The following DCC variants were observed in gnomAD, a reference collection of about 807,000 sequenced individuals.
The protein encoded by DCC is netrin receptor DCC.
Under a neutral mutation model 172.5 loss-of-function variants are expected in DCC, and 58 were observed. That is an observed-to-expected ratio of 0.34 (90% confidence interval 0.27 to 0.42). The LOEUF (loss-of-function observed/expected upper bound fraction) is 0.42, where lower values mean the gene tolerates loss of function less well. Among genes scored for constraint, DCC ranks in the 10% least tolerant of loss-of-function variants. The pLI is 1.00. For synonymous variants in DCC, 709 were observed against 644.5 expected, an observed-to-expected ratio of 1.10 and a Z score of -1.52; for missense variants, 1,740 against 1,791.0, an observed-to-expected ratio of 0.97 and a Z score of 0.51.
chr18:52,869,376 C>T (rs561389895), intron 2 of DCC, among the ~76,000 whole-genome samples: 61 of 152,326 alleles, frequency 4.0e-4, no homozygotes, highest in Middle Eastern at 6.8e-3. Flanking sequence ...GTTGTCTGCT[C>T]TGCTCTGGTT....
chr18:52,922,291 C>A (rs2040138652), intron 3 of DCC, among the ~76,000 whole-genome samples: 1 of 152,134 alleles, frequency 6.6e-6, no homozygotes, highest in Non-Finnish European at 1.5e-5. Context: ...CAATTACTGT[C>A]TCAACTACTA....
intron 3 of DCC, among the ~76,000 whole-genome samples, chr18:52,908,767 T>C (rs539936170): frequency 2.0e-5 from 3 of 152,332 alleles, no homozygotes; most frequent in Admixed American, 6.5e-5. Flanking sequence ...ACTTTTGAGA[T>C]GTGTGAGCAT....
At chr18:52,869,491 G>A (rs1041686738) in intron 2 of DCC, among the ~76,000 whole-genome samples, 1 of 152,192 alleles carries the variant, frequency 6.6e-6, no homozygotes, top group African/African-American at 2.4e-5. Flanking sequence ...TTCCACTCTG[G>A]TCACAGGACT....
At chr18:52,955,489 T>TGA (rs1012493252) in intron 5 of DCC, among the ~76,000 whole-genome samples, 74 of 152,228 alleles carry the variant, frequency 4.9e-4, no homozygotes, top group African/African-American at 1.7e-3. Flanking sequence ...TTGGCAATTG[T>TGA]GAATAGAGTT....
chr18:52,652,075 GA>G (rs2144925901), intron 1 of DCC, among the ~76,000 whole-genome samples: 1 of 152,322 alleles, frequency 6.6e-6, no homozygotes. Context: ...CTTACAATTT[GA>G]AACTGCAGAT....
intron 12 of DCC, among the ~76,000 whole-genome samples, chr18:53,237,641 T>A (rs1276726471): frequency 6.6e-6 from 1 of 152,128 alleles, no homozygotes; most frequent in Non-Finnish European, 1.5e-5. Flanking sequence ...TTTTAATAAT[T>A]CTGTGACAAC....
chr18:52,559,472 A>G (rs2032989051), intron 1 of DCC, among the ~76,000 whole-genome samples: 1 of 152,106 alleles, frequency 6.6e-6, no homozygotes, highest in South Asian at 2.1e-4. Context: ...GTAAAAAGAG[A>G]TTCCCTCTCC....
chr18:53,256,247 GT>G (rs780688281), intron 12 of DCC, among the ~76,000 whole-genome samples: 5 of 152,252 alleles, frequency 3.3e-5, no homozygotes, highest in Middle Eastern at 6.8e-3. Flanking sequence ...TTTGGCTTTT[GT>G]TGCCATTGCT....
chr18:52,972,806 G>A (rs1172991302), intron 5 of DCC, among the ~76,000 whole-genome samples: 1 of 152,102 alleles, frequency 6.6e-6, no homozygotes, highest in Admixed American at 6.5e-5. Flanking sequence ...TATTTATTTG[G>A]TGCTTAGCAT....
At chr18:52,638,515 C>A (rs537361130) in intron 1 of DCC, among the ~76,000 whole-genome samples, 4 of 151,968 alleles carry the variant, frequency 2.6e-5, no homozygotes, top group African/African-American at 9.7e-5. Flanking sequence ...AAATGAACAC[C>A]AAAAGCGAGC....
intron 12 of DCC, among the ~76,000 whole-genome samples, chr18:53,292,269 C>T (rs931216853): frequency 6.6e-6 from 1 of 152,048 alleles, no homozygotes; most frequent in African/African-American, 2.4e-5. Flanking sequence ...TTTTTCTTCC[C>T]ATAATAGAAA....
intron 1 of DCC, among the ~76,000 whole-genome samples, chr18:52,424,850 G>A (rs1987370161): frequency 6.6e-6 from 1 of 152,152 alleles, no homozygotes; most frequent in Middle Eastern, 3.4e-3. Flanking sequence ...TATTGCCAAA[G>A]TATCTTATTT....
At chr18:52,495,943 A>G (rs2030729802) in intron 1 of DCC, among the ~76,000 whole-genome samples, 1 of 152,092 alleles carries the variant, frequency 6.6e-6, no homozygotes, top group African/African-American at 2.4e-5. Context: ...CAAATGGGGA[A>G]GAAAACCCTG....
At chr18:53,012,436 A>G (rs2041744079) in intron 5 of DCC, among the ~76,000 whole-genome samples, 1 of 152,048 alleles carries the variant, frequency 6.6e-6, no homozygotes, top group African/African-American at 2.4e-5. Context: ...CTACTCTAAA[A>G]ATATATTTAA....
intron 1 of DCC, among the ~76,000 whole-genome samples, chr18:52,557,239 T>C (rs1007255420): frequency 2.1e-4 from 32 of 152,250 alleles, no homozygotes; most frequent in African/African-American, 7.7e-4. Flanking sequence ...TCACAAGAGG[T>C]TTTTAGTTAC....
chr18:52,717,062 A>G (rs1685088129), intron 1 of DCC, among the ~76,000 whole-genome samples: 1 of 152,146 alleles, frequency 6.6e-6, no homozygotes, highest in African/African-American at 2.4e-5. Flanking sequence ...ATCAGACCAC[A>G]TGAATGAATC....
intron 9 of DCC, among the ~76,000 whole-genome samples, chr18:53,193,344 C>T (rs965208966): frequency 6.6e-6 from 1 of 152,064 alleles, no homozygotes; most frequent in African/African-American, 2.4e-5. Context: ...GAAGTGTTCA[C>T]TCTTTCCCCT....
chr18:52,956,876 TGACCAAA>T (rs1351852749), intron 5 of DCC, among the ~76,000 whole-genome samples: 1 of 152,184 alleles, frequency 6.6e-6, no homozygotes, highest in Non-Finnish European at 1.5e-5. Context: ...GATTTTAAAA[TGACCAAA>T]GTTAGAATGG....
intron 12 of DCC, among the ~76,000 whole-genome samples, chr18:53,289,849 A>T (rs976266913): frequency 6.6e-6 from 1 of 152,200 alleles, no homozygotes; most frequent in Non-Finnish European, 1.5e-5. Context: ...AGACTGGGAT[A>T]AAGGAAAGAA....
Sources: allele counts gnomAD v4.1 joint callset (sites outside exome capture counted in the v4.1 genomes callset), GRCh38; gene constraint gnomAD v4.1.1; transcripts MANE v1.5; gene names NCBI Gene and HGNC (gene_info 2026-07-23, HGNC 2026-07-21).